The following LDLRAD3 variants were observed in gnomAD, a reference collection of about 807,000 sequenced individuals.
LDLRAD3 encodes low density lipoprotein receptor class A domain containing 3.
LDLRAD3 carries 20 observed loss-of-function variants against 29.4 expected under a neutral mutation model. The observed-to-expected ratio is 0.68, with a 90% CI of 0.48 to 0.99. The LOEUF (loss-of-function observed/expected upper bound fraction) is 0.99. Ranked by LOEUF, LDLRAD3 falls within the 50% of genes least tolerant of loss-of-function variation. The pLI is 0.00. For missense variants in LDLRAD3, 420 were observed against 454.3 expected (o/e 0.92, Z 0.69); for synonymous variants, 157 against 192.7 (o/e 0.81, Z 1.53).
chr11:36,072,406 C>A (rs1852921097), intron 2 of LDLRAD3, among the ~76,000 whole-genome samples: 1 of 152,196 alleles, frequency 6.6e-6, no homozygotes, highest in Admixed American at 6.5e-5. Flanking sequence ...TTTCCATCAT[C>A]CTCCAGGACC....
At chr11:36,062,031 C>T (rs1271842700) in intron 2 of LDLRAD3, among the ~76,000 whole-genome samples, 2 of 151,846 alleles carry the variant, frequency 1.3e-5, no homozygotes, top group African/African-American at 2.4e-5. Context: ...CTTAGACAGG[C>T]ATCTTCTCAT....
At chr11:36,142,702 G>A (rs112098342) in intron 4 of LDLRAD3, among the ~76,000 whole-genome samples, 2,153 of 152,238 alleles carry the variant, frequency 0.014, 57 homozygotes, top group African/African-American at 0.048. Flanking sequence ...TGGAGGGCAC[G>A]TGCCACACCA....
chr11:36,003,000 A>G (rs1851842704), intron 1 of LDLRAD3, among the ~76,000 whole-genome samples: 1 of 152,260 alleles, frequency 6.6e-6, no homozygotes. Flanking sequence ...TTTGTTAGGG[A>G]AAACCGTACA....
rs1002755802 is a variant in LDLRAD3, at chr11:35,944,311, G to A, written c.46+167G>A. Among the ~76,000 whole-genome samples, 1 of 151,506 alleles carries A rather than the reference G, an allele frequency of 6.6e-6. No homozygotes were observed. The highest frequency in any genetic ancestry group is 1.5e-5 in the Non-Finnish European group (1 of 67,788). On this transcript the variant is annotated intron_variant, in intron 1 of 5. Transcript: ENST00000315571. The surrounding 1 kb of genome is among the most constrained non-coding windows in gnomAD (Gnocchi z 4.9). The stretch of plus-strand genomic sequence containing the variant: ...CCGGGCTGGCCCGGACCCTGCCGAG[G>A]GGCCGCCGCGGGGTGCGAGCCGTCC...
intron 4 of LDLRAD3, among the ~76,000 whole-genome samples, chr11:36,133,700 A>G (rs1271796045): frequency 6.7e-6 from 1 of 150,184 alleles, no homozygotes; most frequent in Non-Finnish European, 1.5e-5. Context: ...CGCCTGGCTA[A>G]TTTTGTTTTT....
chr11:36,052,220 AAGCAAAC>A (rs1852539446), intron 2 of LDLRAD3, among the ~76,000 whole-genome samples: 1 of 152,196 alleles, frequency 6.6e-6, no homozygotes, highest in Non-Finnish European at 1.5e-5. Flanking sequence ...GTGGCCTCAA[AAGCAAAC>A]TGTTTTGAAC....
intron 4 of LDLRAD3, among the ~76,000 whole-genome samples, chr11:36,100,173 G>T (rs1262653955): frequency 6.6e-6 from 1 of 152,152 alleles, no homozygotes. Flanking sequence ...CCCTCAAGGT[G>T]ATTCTAATGC....
rs1399605921 is a variant in LDLRAD3 at position 36,098,409 on chromosome 11, A to T, written c.402A>T (p.Gly134=). 6.2e-7 allele frequency: 1 copy of T among 1,614,126 alleles called. No individual in the cohort carries two copies. Among genetic ancestry groups the T allele is most frequent in the African/African-American group, 1.3e-5 (1 of 74,942 alleles). Residue 134 remains glycine (G), a synonymous_variant, in exon 4 of 6, where the codon GGA becomes GGT. Transcript: ENST00000315571. ...TTGACAAGAGCTTCATCTGCGATGG[A>T]CAGAATAACTGTCAAGACAACAGTG... is the stretch of plus-strand genomic sequence containing the variant. The part of the protein sequence containing the change: ...LCIDKSFICD[G]QNNCQDNSDE...
intron 4 of LDLRAD3, among the ~76,000 whole-genome samples, chr11:36,192,614 G>A (rs1387452035): frequency 6.6e-6 from 1 of 152,164 alleles, no homozygotes; most frequent in Admixed American, 6.5e-5. Context: ...GCATATATCT[G>A]GCATATGTGC....
At chr11:36,129,409 T>C (rs1853891336) in intron 4 of LDLRAD3, among the ~76,000 whole-genome samples, 1 of 152,134 alleles carries the variant, frequency 6.6e-6, no homozygotes, top group Non-Finnish European at 1.5e-5. Context: ...TCATCTCCAA[T>C]AGCCTGTGCC....
rs1851022316 is a variant in LDLRAD3, at chr11:35,944,097, C to T, written c.-2C>T. The T allele has an allele frequency of 2.8e-6, 3 of 1,075,742 alleles. 1 individual carries two copies. Among genetic ancestry groups the T allele is most frequent in the East Asian group, 1.2e-4 (2 of 16,388 alleles). 66.6% of individuals were successfully genotyped at this position (1,075,742 alleles called of 1,614,324 possible). ...CCGGGCAGCGGGAGCGGCGGCCGCG[C>T]CATGTGGCTGCTGGGGCCGCTGTGC... is the stretch of plus-strand genomic sequence containing the variant. On this transcript the variant is annotated 5_prime_UTR_variant, in exon 1 of 6. Transcript: ENST00000315571. This position sits in a 1 kb window ranked among gnomAD's most constrained non-coding sequence, Gnocchi z 4.9.
At chr11:36,123,070 C>T (rs1045735095) in intron 4 of LDLRAD3, among the ~76,000 whole-genome samples, 1 of 152,002 alleles carries the variant, frequency 6.6e-6, no homozygotes, top group Non-Finnish European at 1.5e-5. Context: ...GCCTGTAGTC[C>T]CGACTGCTTG....
At chr11:35,954,021 AAGAT>A (rs761980419) in intron 1 of LDLRAD3, among the ~76,000 whole-genome samples, 5 of 152,342 alleles carry the variant, frequency 3.3e-5, no homozygotes, top group African/African-American at 4.8e-5. Flanking sequence ...GTATTAATGA[AAGAT>A]AGAACTAATC....
intron 3 of LDLRAD3, among the ~76,000 whole-genome samples, chr11:36,093,020 T>C (rs1049425166): frequency 7.9e-5 from 12 of 152,172 alleles, no homozygotes; most frequent in African/African-American, 2.9e-4. Flanking sequence ...CTAGGTGTGG[T>C]TGTATACAAG....
chr11:36,188,035 T>C (rs979524341), intron 4 of LDLRAD3, among the ~76,000 whole-genome samples: 3 of 152,132 alleles, frequency 2.0e-5, no homozygotes, highest in Non-Finnish European at 4.4e-5. Flanking sequence ...CTACAAATGA[T>C]ACCAAGGATA....
chr11:36,206,725 CT>C (rs33957569), intron 4 of LDLRAD3, among the ~76,000 whole-genome samples: 1,957 of 133,060 alleles, frequency 0.015, 41 homozygotes, highest in African/African-American at 0.048. Context: ...GTTGATTTTA[CT>C]TTTTTTTTTT....
intron 4 of LDLRAD3, among the ~76,000 whole-genome samples, chr11:36,112,990 A>T (rs988137513): frequency 5.3e-5 from 8 of 152,304 alleles, no homozygotes; most frequent in African/African-American, 1.9e-4. Flanking sequence ...TCAGTCATAC[A>T]TGGAGTCATG....
At chr11:36,113,815 A>G (rs150615853) in intron 4 of LDLRAD3, among the ~76,000 whole-genome samples, 3,890 of 152,066 alleles carry the variant, frequency 0.026, 157 homozygotes, top group African/African-American at 0.089. Flanking sequence ...CTGAGATTAC[A>G]GGCCCACGCC....
At chr11:36,114,011 C>T (rs1019904616) in intron 4 of LDLRAD3, among the ~76,000 whole-genome samples, 1 of 152,174 alleles carries the variant, frequency 6.6e-6, no homozygotes, top group Non-Finnish European at 1.5e-5. Context: ...ATAGTCAGGA[C>T]TTTCTATAAT....
Sources: allele counts gnomAD v4.1 joint callset (sites outside exome capture counted in the v4.1 genomes callset), GRCh38; gene constraint gnomAD v4.1.1; non-coding constraint Gnocchi (gnomAD v3.1); transcripts MANE v1.5; gene names NCBI Gene and HGNC (gene_info 2026-07-23, HGNC 2026-07-21).